RMDN1: variants seen among roughly 807,000 people sequenced by gnomAD.
RMDN1 encodes regulator of microtubule dynamics protein 1.
In RMDN1, 48 loss-of-function variants were observed where a neutral mutation model predicts 48.9. The observed-to-expected ratio is 0.98, with a 90% CI of 0.78 to 1.25. The LOEUF is 1.25. Ranked by LOEUF, RMDN1 falls within the 50% of genes most tolerant of loss-of-function variation. The pLI is 0.00. For synonymous variants in RMDN1, 148 were observed against 132.6 expected, an observed-to-expected ratio of 1.12 and a Z score of -0.80; for missense variants, 418 against 373.4, an observed-to-expected ratio of 1.12 and a Z score of -0.98.
intron 2 of RMDN1, among the ~76,000 whole-genome samples, chr8:86,490,489 A>T (rs569381240): frequency 6.6e-6 from 1 of 152,314 alleles, no homozygotes; most frequent in Non-Finnish European, 1.5e-5. Context: ...TCAGCCAAAG[A>T]ATGCAGAAAG....
At chr8:86,508,465 G>C in intron 1 of RMDN1, 27 bp downstream of exon 1, 2 of 1,537,060 alleles carry the variant, frequency 1.3e-6, no homozygotes, top group South Asian at 2.4e-5. Context: ...AGGAAGTGAG[G>C]AGCGGGAGCC....
At position 86,488,560 on chromosome 8, in the gene RMDN1, G is replaced by A. The variant is rs1442823526; in HGVS notation, c.327C>T (p.Tyr109=). The A allele has an allele frequency of 6.2e-7, 1 of 1,605,172 alleles. No homozygotes were observed. The highest frequency in any genetic ancestry group is 1.3e-5 in the African/African-American group (1 of 74,540). The change falls in exon 3 of 10, where the codon TAC becomes TAT. Residue 109 remains tyrosine (Y), a synonymous_variant. Transcript: ENST00000406452. The part of the protein sequence containing the change: ...TEKLYQLLTQ[Y]KESEDAELLW... ...TATCCTACATTGCTTACCTTTCCTTGTATTGGGTTAGCAACTGATAAAGTT... is the reference window on the plus strand; with the variant it reads ...TATCCTACATTGCTTACCTTTCCTTATATTGGGTTAGCAACTGATAAAGTT...
At chr8:86,511,260 G>C (rs1444716492), upstream of RMDN1, among the ~76,000 whole-genome samples, 1 of 150,694 alleles carries the variant, frequency 6.6e-6, no homozygotes, top group Non-Finnish European at 1.5e-5. Flanking sequence ...AGATCACGAG[G>C]TCAGGAGATC....
chr8:86,505,488 C>T, intron 2 of RMDN1: 2 of 400,632 alleles, frequency 5.0e-6, no homozygotes, highest in South Asian at 3.5e-5. Context: ...TATGTAAGAG[C>T]ACCTTCCTCA....
At position 86,490,406 on chromosome 8, in the gene RMDN1, GAGA is replaced by G. The variant is rs1268481694; in HGVS notation, c.248-1770_248-1768del. ...AAGTGAAAGAGGAAGGCAAAAGTCA[GAGA>G]AGGAGTGTCAATGGAAACAAGATCA... On this transcript the variant is annotated intron_variant, in intron 2 of 9. Coordinates refer to ENST00000406452, the MANE Select transcript of RMDN1 (RefSeq NM_016033.3). Among the ~76,000 whole-genome samples the G allele has an allele frequency of 4.6e-5, 7 of 152,198 alleles. No individual in the cohort carries two copies. The East Asian group carries it at 5.8e-4, about 13-fold the overall frequency.
intron 2 of RMDN1, among the ~76,000 whole-genome samples, chr8:86,500,107 T>C (rs1401555881): frequency 6.6e-6 from 1 of 152,152 alleles, no homozygotes; most frequent in Non-Finnish European, 1.5e-5. Flanking sequence ...AACACCATTC[T>C]GGACATAGGC....
intron 2 of RMDN1, among the ~76,000 whole-genome samples, chr8:86,501,747 A>G (rs2131201958): frequency 6.6e-6 from 1 of 152,276 alleles, no homozygotes; most frequent in East Asian, 1.9e-4. Flanking sequence ...TTCAAAAATT[A>G]TTATAATGTG....
intron 8 of RMDN1, 45 bp from the exon 9 acceptor site, chr8:86,474,998 C>CTTTTTTATTTTTATTTTTAT (rs1813130868): frequency 4.0e-6 from 6 of 1,511,038 alleles, no homozygotes; most frequent in Non-Finnish European, 5.3e-6. Context: ...AACAGTGTTG[C>CTTTTTTATTTTTATTTTTAT]TTTTATTTTT....
chr8:86,483,217 A>T (rs1020911318), intron 5 of RMDN1, among the ~76,000 whole-genome samples: 1 of 152,244 alleles, frequency 6.6e-6, no homozygotes, highest in African/African-American at 2.4e-5. Context: ...TGCCATTTAA[A>T]ATATAAACAT....
Position 86,508,679 on chromosome 8 carries a change from G to C in RMDN1, c.-59C>G. 1 of 1,493,966 alleles carries C rather than the reference G, an allele frequency of 6.7e-7. No homozygotes were observed. Among genetic ancestry groups the C allele is most frequent in the Admixed American group, 2.4e-5 (1 of 42,420 alleles). The allele number at this position is 1,493,966 out of a possible 1,614,324, so 92.5% of individuals were successfully genotyped here. A position where few individuals can be genotyped will look rare whatever the true frequency, so the allele number is the denominator to read the frequency against. Reference sequence around the variant, plus strand: ...TCAGGCAGCTACGGAGGCGGGCGGGGCTAAAGGAGATTCAATCCTTCCGGA... The same window carrying C: ...TCAGGCAGCTACGGAGGCGGGCGGGCCTAAAGGAGATTCAATCCTTCCGGA... On this transcript the variant is annotated 5_prime_UTR_variant, in exon 1 of 10. Transcript: ENST00000406452.
intron 5 of RMDN1, among the ~76,000 whole-genome samples, 193 bp from the exon 6 acceptor site, chr8:86,480,525 T>C (rs899433868): frequency 6.6e-6 from 1 of 152,110 alleles, no homozygotes; most frequent in Non-Finnish European, 1.5e-5. Context: ...TGACTTATAC[T>C]AATGTTACTA....
chr8:86,479,152 T>A lies in RMDN1; in HGVS notation c.642-142A>T, dbSNP rs550738006. 3.0e-4 allele frequency: 184 copies of A among 612,196 alleles called. 3 individuals carry two copies. In the East Asian group the frequency reaches 4.9e-3, roughly 16 times the overall value. The allele number at this position is 612,196 out of a possible 1,614,324, so 37.9% of individuals were successfully genotyped here. On this transcript the variant is annotated intron_variant, in intron 6 of 9. Coordinates refer to ENST00000406452, the MANE Select transcript of RMDN1 (RefSeq NM_016033.3). ...GCTTTACATGATATCTACTAGGTAA[T>A]CCAGAGATTGACATAGTGATCCTTT...
chr8:86,506,081 A>T (rs565991065), intron 2 of RMDN1, among the ~76,000 whole-genome samples: 10 of 152,280 alleles, frequency 6.6e-5, no homozygotes, highest in African/African-American at 2.4e-4. Flanking sequence ...GTTCCCCCTC[A>T]CTGGACCAAA....
chr8:86,490,938 A>C (rs1049241608), intron 2 of RMDN1, among the ~76,000 whole-genome samples: 1 of 151,974 alleles, frequency 6.6e-6, no homozygotes, highest in Non-Finnish European at 1.5e-5. Context: ...TGGAAGGATC[A>C]CTTGACCCCA....
In RMDN1 at chr8:86,474,378, G is replaced by T; in HGVS notation, c.895-20C>A. ...CTGTATCTAAAATGGAAAAATACAT[G>T]TTATAAGTAAACAGGAGAGCTAAGA... is the stretch of plus-strand genomic sequence containing the variant. On this transcript the variant is annotated intron_variant, in intron 9 of 9. Transcript: ENST00000406452. The T allele has an allele frequency of 6.4e-7, 1 of 1,567,390 alleles. No homozygotes were observed. The highest frequency in any genetic ancestry group is 8.8e-7 in the Non-Finnish European group (1 of 1,138,192).
intron 1 of RMDN1, chr8:86,514,163 C>G (rs907574002): frequency 1.4e-6 from 1 of 699,330 alleles, no homozygotes; most frequent in Non-Finnish European, 1.8e-6. Flanking sequence ...CTTCTCAGTT[C>G]AGATATGGCA....
At chr8:86,512,365 A>G (rs1181263519), upstream of RMDN1, among the ~76,000 whole-genome samples, 1 of 152,152 alleles carries the variant, frequency 6.6e-6, no homozygotes, top group Non-Finnish European at 1.5e-5. Context: ...AAACTAAAAC[A>G]CTTGTAGTAC....
intron 6 of RMDN1, among the ~76,000 whole-genome samples, chr8:86,479,961 C>A (rs1161057787): frequency 1.3e-5 from 2 of 152,096 alleles, no homozygotes; most frequent in African/African-American, 4.8e-5. Context: ...GATACAAAGA[C>A]CCTCTTGGGG....
chr8:86,490,168 T>C (rs1026924888), intron 2 of RMDN1, among the ~76,000 whole-genome samples: 3 of 152,172 alleles, frequency 2.0e-5, no homozygotes, highest in Non-Finnish European at 4.4e-5. Context: ...ACCCAAAGGA[T>C]AAGGAGTAGT....
Sources: allele counts gnomAD v4.1 joint callset (sites outside exome capture counted in the v4.1 genomes callset), GRCh38; gene constraint gnomAD v4.1.1; transcripts MANE v1.5; gene names NCBI Gene and HGNC (gene_info 2026-07-23, HGNC 2026-07-21).